GNA14: variants seen among roughly 807,000 people sequenced by gnomAD.
The protein encoded by GNA14 is guanine nucleotide-binding protein subunit alpha-14.
In GNA14, 50 loss-of-function variants were observed where a neutral mutation model predicts 42.0. That is an observed-to-expected ratio of 1.19 (90% CI 0.95 to 1.51). GNA14 has a LOEUF of 1.51. Among genes scored for constraint, GNA14 ranks in the 40% most tolerant of loss-of-function variants. The pLI is 0.00. For missense variants in GNA14, 473 were observed against 446.2 expected (o/e 1.06, Z -0.54); for synonymous variants, 173 against 163.1 (o/e 1.06, Z -0.46).
intron 2 of GNA14, among the ~76,000 whole-genome samples, chr9:77,474,686 AC>A (rs1242714081): frequency 6.6e-6 from 1 of 152,144 alleles, no homozygotes; most frequent in Non-Finnish European, 1.5e-5. Flanking sequence ...CTACACAAAA[AC>A]CTGTTCATGA....
At chr9:77,436,759 C>T (rs1421226389) in intron 2 of GNA14, among the ~76,000 whole-genome samples, 2 of 152,302 alleles carry the variant, frequency 1.3e-5, no homozygotes, top group East Asian at 3.9e-4. Context: ...CTTATTTGTT[C>T]TTATATCCCA....
At chr9:77,529,295 C>A (rs760348911) in intron 1 of GNA14, 42 bp from the exon 2 acceptor site, 11 of 1,459,246 alleles carry the variant, frequency 7.5e-6, no homozygotes, top group Non-Finnish European at 1.1e-5. Context: ...AGCAGACTTC[C>A]AAAGGAACAC....
chr9:77,584,275 T>A (rs1279780007), intron 1 of GNA14, among the ~76,000 whole-genome samples: 1 of 152,258 alleles, frequency 6.6e-6, no homozygotes, highest in Admixed American at 6.5e-5. Flanking sequence ...TAGTCATCTT[T>A]AATGATGACC....
intron 1 of GNA14, among the ~76,000 whole-genome samples, chr9:77,640,306 C>T (rs1824237592): frequency 6.6e-6 from 1 of 152,164 alleles, no homozygotes. Flanking sequence ...GAATTTCAAC[C>T]ATCTTTAGTA....
rs559604053 is a variant in GNA14, at chr9:77,617,105, C to T, written c.124+30565G>A. Among the ~76,000 whole-genome samples, 226 of 152,232 alleles carry T rather than the reference C, an allele frequency of 1.5e-3. 2 individuals carry two copies. The highest frequency in any genetic ancestry group is 2.4e-3 in the Non-Finnish European group (166 of 68,000). Reference sequence around the variant, plus strand: ...CAGGATGGTCTCGATCTCCTGATCTCACAATCCACCCACCTTGGCCTCCCA... The same window carrying T: ...CAGGATGGTCTCGATCTCCTGATCTTACAATCCACCCACCTTGGCCTCCCA... On this transcript the variant is annotated intron_variant, in intron 1 of 6. Coordinates refer to ENST00000341700, the MANE Select transcript of GNA14 (RefSeq NM_004297.4).
intron 2 of GNA14, among the ~76,000 whole-genome samples, chr9:77,492,227 A>G (rs1317700926): frequency 6.6e-6 from 1 of 152,050 alleles, no homozygotes; most frequent in East Asian, 1.9e-4. Context: ...CGCATAAACA[A>G]CCTAGTGATG....
intron 2 of GNA14, among the ~76,000 whole-genome samples, chr9:77,476,520 G>A (rs1332026735): frequency 6.6e-6 from 1 of 152,106 alleles, no homozygotes; most frequent in Non-Finnish European, 1.5e-5. Context: ...AACATTTGCT[G>A]TATAATTGAA....
intron 1 of GNA14, among the ~76,000 whole-genome samples, chr9:77,610,762 G>A (rs989893948): frequency 2.0e-5 from 3 of 152,126 alleles, no homozygotes; most frequent in Non-Finnish European, 2.9e-5. Flanking sequence ...TAATATTACA[G>A]ACTAGAACAG....
At chr9:77,589,921 T>G (rs2117884199) in intron 1 of GNA14, among the ~76,000 whole-genome samples, 1 of 152,196 alleles carries the variant, frequency 6.6e-6, no homozygotes, top group Non-Finnish European at 1.5e-5. Flanking sequence ...AAAGTCAGGT[T>G]TTTGTTTTGT....
At chr9:77,459,835 T>C (rs1213775405) in intron 2 of GNA14, among the ~76,000 whole-genome samples, 1 of 152,156 alleles carries the variant, frequency 6.6e-6, no homozygotes, top group Non-Finnish European at 1.5e-5. Context: ...AGAAAGTGCC[T>C]TATATCCTCC....
Position 77,573,514 on chromosome 9 carries a change from G to C in GNA14, c.125-44261C>G, listed in dbSNP as rs181105485. Among the ~76,000 whole-genome samples, 376 of 152,196 alleles carry C rather than the reference G, an allele frequency of 2.5e-3. 11 individuals carry two copies. Among genetic ancestry groups the C allele is most frequent in the Admixed American group, 0.022 (333 of 15,282 alleles). On this transcript the variant is annotated intron_variant, in intron 1 of 6. Coordinates refer to ENST00000341700, the MANE Select transcript of GNA14 (RefSeq NM_004297.4). ...TAAATAAATAAAAATCTAGGTTTCA[G>C]CTTCCACTAGGACACAACTGATCTG...
At chr9:77,599,693 T>C (rs924113591) in intron 1 of GNA14, among the ~76,000 whole-genome samples, 3 of 152,102 alleles carry the variant, frequency 2.0e-5, no homozygotes, top group East Asian at 1.9e-4. Flanking sequence ...TACAGATGCA[T>C]TGGGAGGGTG....
intron 1 of GNA14, 96 bp downstream of exon 1, chr9:77,647,574 G>T: frequency 1.4e-6 from 2 of 1,385,932 alleles, no homozygotes; most frequent in South Asian, 1.4e-5. Flanking sequence ...CCTGCACCCC[G>T]CTGGGCTCCA....
At chr9:77,475,568 C>A (rs1836404729) in intron 2 of GNA14, among the ~76,000 whole-genome samples, 1 of 152,174 alleles carries the variant, frequency 6.6e-6, no homozygotes, top group South Asian at 2.1e-4. Context: ...AGTAAGTGGT[C>A]TGGCTCCAGA....
intron 1 of GNA14, among the ~76,000 whole-genome samples, chr9:77,625,195 C>CA (rs1466301534): frequency 6.6e-6 from 1 of 150,700 alleles, no homozygotes; most frequent in Non-Finnish European, 1.5e-5. Flanking sequence ...AGCATGAAGA[C>CA]AAAAAAAGAA....
intron 1 of GNA14, among the ~76,000 whole-genome samples, chr9:77,551,126 A>C (rs1052363104): frequency 1.3e-5 from 2 of 152,116 alleles, no homozygotes; most frequent in Non-Finnish European, 2.9e-5. Flanking sequence ...ATTAGCTGAA[A>C]ATTTTCATTA....
chr9:77,453,730 G>C (rs1388193286), intron 2 of GNA14, among the ~76,000 whole-genome samples: 2 of 152,188 alleles, frequency 1.3e-5, no homozygotes, highest in Non-Finnish European at 2.9e-5. Flanking sequence ...GAGCAAACCT[G>C]AGCAATCATA....
At chr9:77,640,889 AAAAC>A (rs1336696561) in intron 1 of GNA14, among the ~76,000 whole-genome samples, 1 of 149,500 alleles carries the variant, frequency 6.7e-6, no homozygotes, top group African/African-American at 2.5e-5. Context: ...AAAAAAAAAA[AAAAC>A]AACAGACAGA....
intron 1 of GNA14, chr9:77,580,317 G>T: frequency 3.0e-6 from 1 of 335,550 alleles, no homozygotes; most frequent in Non-Finnish European, 6.2e-6. Flanking sequence ...ATTTGATAAA[G>T]ATACAACCCG....
Sources: gnomAD v4.1 joint callset for allele counts (sites outside exome capture counted in the v4.1 genomes callset) on GRCh38, gnomAD v4.1.1 for gene constraint, MANE v1.5 for transcripts, NCBI Gene and HGNC (gene_info 2026-07-23, HGNC 2026-07-21) for gene names.